Variants in RTN4RL2 observed in about 807,000 individuals in gnomAD.
RTN4RL2 encodes the protein reticulon 4 receptor like 2.
A neutral mutation model predicts 27.8 loss-of-function variants in RTN4RL2; 9 were observed. The observed-to-expected ratio is 0.32, with a 90% CI of 0.20 to 0.57. The LOEUF (loss-of-function observed/expected upper bound fraction) is 0.57. Ranked by LOEUF, RTN4RL2 falls within the 20% of genes least tolerant of loss-of-function variation. The pLI is 0.90. For missense variants in RTN4RL2, 436 were observed against 596.8 expected (o/e 0.73, Z 2.81); for synonymous variants, 285 against 297.9 (o/e 0.96, Z 0.45).
chr11:57,461,807 C>T (rs368681769), intron 1 of RTN4RL2, among the ~76,000 whole-genome samples: 43 of 151,616 alleles, frequency 2.8e-4, no homozygotes, highest in South Asian at 1.0e-3. Context: ...TATCAGGAAC[C>T]GGCGAAGAGG....
chr11:57,461,788 G>A lies in RTN4RL2; in HGVS notation c.31+892G>A, dbSNP rs191155855. 1.4e-4 allele frequency among the ~76,000 whole-genome samples: 22 copies of A among 152,106 alleles called. 1 individual carries two copies. Among genetic ancestry groups the A allele is most frequent in the Admixed American group, 1.4e-3 (21 of 15,268 alleles). ...CAGAGAAGGATGGGGATGGTGACTA[G>A]AGAAGGGGTATCAGGAACCGGCGAA... On this transcript the variant is annotated intron_variant, in intron 1 of 2. Coordinates refer to ENST00000335099, the MANE Select transcript of RTN4RL2 (RefSeq NM_178570.3).
At chr11:57,474,339 C>T (rs1394561689) in intron 2 of RTN4RL2, among the ~76,000 whole-genome samples, 2 of 152,078 alleles carry the variant, frequency 1.3e-5, no homozygotes, top group Admixed American at 6.5e-5. Flanking sequence ...TGGGAGGGGG[C>T]GAGAACAGGC....
At chr11:57,472,360 G>A (rs1195374072) in intron 2 of RTN4RL2, among the ~76,000 whole-genome samples, 1 of 151,796 alleles carries the variant, frequency 6.6e-6, no homozygotes. Flanking sequence ...CTACAGACAT[G>A]TGCCACCATG....
chr11:57,477,215 C>G lies in RTN4RL2; in HGVS notation c.*304C>G. ...CCCAGGCAGCCGCTGACCCGCACTCCTAAGGGCCCACAGCGGACACCAGAG... is the reference window on the plus strand; with the variant it reads ...CCCAGGCAGCCGCTGACCCGCACTCGTAAGGGCCCACAGCGGACACCAGAG... On this transcript the variant is annotated 3_prime_UTR_variant, in exon 3 of 3. Coordinates refer to ENST00000335099, the MANE Select transcript of RTN4RL2 (RefSeq NM_178570.3). 2.9e-6 allele frequency: 1 copy of G among 347,062 alleles called. No individual in the cohort carries two copies. The highest frequency in any genetic ancestry group is 5.2e-6 in the Non-Finnish European group (1 of 192,498). 21.5% of individuals were successfully genotyped at this position (347,062 alleles called of 1,614,324 possible).
At chr11:57,466,727 T>C (rs1397015251) in intron 1 of RTN4RL2, among the ~76,000 whole-genome samples, 2 of 152,162 alleles carry the variant, frequency 1.3e-5, no homozygotes, top group Non-Finnish European at 2.9e-5. Context: ...TGAGTCCATT[T>C]CACACGGGCC....
chr11:57,465,990 ATTTTTTTT>A (rs35174184), intron 1 of RTN4RL2, among the ~76,000 whole-genome samples: 8 of 77,900 alleles, frequency 1.0e-4, no homozygotes, highest in African/African-American at 3.9e-4. Context: ...CATGCCTACA[ATTTTTTTT>A]TTTTTTTTTT....
In RTN4RL2 at chr11:57,467,377, A is replaced by AT. The variant is rs11370612; in HGVS notation, c.32-219dup. 0.021 allele frequency among the ~76,000 whole-genome samples: 3,066 copies of AT among 145,554 alleles called. 100 individuals carry two copies. Among genetic ancestry groups the AT allele is most frequent in the African/African-American group, 0.07 (2,802 of 39,796 alleles). On this transcript the variant is annotated intron_variant, in intron 1 of 2. Coordinates refer to ENST00000335099, the MANE Select transcript of RTN4RL2 (RefSeq NM_178570.3). The surrounding 1 kb of genome is among the most constrained non-coding windows in gnomAD (Gnocchi z 5.5). ...AGGCACATGCCACCATGCCTGGCTA[A>AT]TTTTTTTTTTTTTCTTGTAAAGACA... is the stretch of plus-strand genomic sequence containing the variant.
chr11:57,461,827 A>G (rs1245943495), intron 1 of RTN4RL2, among the ~76,000 whole-genome samples: 1 of 151,968 alleles, frequency 6.6e-6, no homozygotes, highest in Non-Finnish European at 1.5e-5. Context: ...GGTTGGAGAC[A>G]GGGAACCATG....
chr11:57,468,517 T>C (rs1308410324), intron 2 of RTN4RL2: 2 of 1,504,524 alleles, frequency 1.3e-6, no homozygotes, highest in Admixed American at 2.0e-5. Flanking sequence ...TGTCTCTTTC[T>C]GTGATCTCAC....
chr11:57,469,598 A>C (rs1010119477), intron 2 of RTN4RL2, among the ~76,000 whole-genome samples: 1 of 152,222 alleles, frequency 6.6e-6, no homozygotes, highest in Admixed American at 6.5e-5. Context: ...GGTAAGTGCT[A>C]TATAAATGCT....
intron 2 of RTN4RL2, among the ~76,000 whole-genome samples, chr11:57,471,274 T>C (rs1943561448): frequency 6.7e-6 from 1 of 149,420 alleles, no homozygotes; most frequent in Admixed American, 6.7e-5. Flanking sequence ...AGTTCAGTGC[T>C]GAAGAAATCA....
At chr11:57,475,664 G>A (rs1281878127) in intron 2 of RTN4RL2, among the ~76,000 whole-genome samples, 2 of 152,196 alleles carry the variant, frequency 1.3e-5, no homozygotes, top group African/African-American at 4.8e-5. Context: ...TACAGATGAG[G>A]AAACTGAGTC....
Position 57,460,575 on chromosome 11 carries a change from G to A in RTN4RL2, c.-291G>A, listed in dbSNP as rs370145012. On this transcript the variant is annotated 5_prime_UTR_variant, in exon 1 of 3. Coordinates refer to ENST00000335099, the MANE Select transcript of RTN4RL2 (RefSeq NM_178570.3). ...GGGCACACGGACAGACGGACTGACG[G>A]ACTCTCGAGCGGACAGCGCAGCTAG... 30 of 170,328 alleles carry A rather than the reference G, an allele frequency of 1.8e-4. No homozygotes were observed. In the East Asian group the frequency reaches 4.2e-3, roughly 24 times the overall value. 10.6% of individuals were successfully genotyped at this position (170,328 alleles called of 1,614,324 possible). A position where few individuals can be genotyped will look rare whatever the true frequency, so the allele number is the denominator to read the frequency against.
In RTN4RL2 at chr11:57,467,766, G is replaced by A. The variant is rs370019040; in HGVS notation, c.189G>A (p.Gln63=). 54 of 1,613,764 alleles carry A rather than the reference G, an allele frequency of 3.3e-5. No homozygotes were observed. The highest frequency in any genetic ancestry group is 4.2e-5 in the Non-Finnish European group (50 of 1,180,006). Residue 63 remains glutamine (Q), a synonymous_variant, in exon 2 of 3, where the codon CAG becomes CAA. Coordinates refer to ENST00000335099, the MANE Select transcript of RTN4RL2 (RefSeq NM_178570.3). This position sits in a 1 kb window ranked among gnomAD's most constrained non-coding sequence, Gnocchi z 5.5. ...SVPLSLPPST[Q]RLFLQNNLIR... is the part of the protein sequence containing the mutation. ...CGCTGTCCCTGCCACCCAGCACTCA[G>A]CGACTCTTCCTGCAGAACAACCTCA...
chr11:57,467,532 A>G lies in RTN4RL2; in HGVS notation c.32-77A>G. On this transcript the variant is annotated intron_variant, in intron 1 of 2. Transcript: ENST00000335099. This position sits in a 1 kb window ranked among gnomAD's most constrained non-coding sequence, Gnocchi z 5.5. Reference sequence around the variant, plus strand: ...TTCAGCCGGGTCTAGGCCTTTTACCAAGTTGGGGGGCTGGCCCCCAGCTGG... The same window carrying G: ...TTCAGCCGGGTCTAGGCCTTTTACCGAGTTGGGGGGCTGGCCCCCAGCTGG... 6.5e-7 allele frequency: 1 copy of G among 1,531,760 alleles called. No individual in the cohort carries two copies. Among genetic ancestry groups the G allele is most frequent in the East Asian group, 2.3e-5 (1 of 44,286 alleles). 94.9% of individuals were successfully genotyped at this position (1,531,760 alleles called of 1,614,324 possible). A position where few individuals can be genotyped will look rare whatever the true frequency, so the allele number is the denominator to read the frequency against.
intron 1 of RTN4RL2, among the ~76,000 whole-genome samples, chr11:57,463,932 T>G (rs1490869413): frequency 6.7e-6 from 1 of 150,204 alleles, no homozygotes; most frequent in African/African-American, 2.5e-5. Context: ...CAGAGCCCCC[T>G]CCCCTCCCCT....
intron 2 of RTN4RL2, among the ~76,000 whole-genome samples, chr11:57,470,839 C>A (rs1943558861): frequency 6.6e-6 from 1 of 152,110 alleles, no homozygotes; most frequent in Non-Finnish European, 1.5e-5. Context: ...AGGTTGCTAA[C>A]CCTCTCTGAA....
intron 2 of RTN4RL2, among the ~76,000 whole-genome samples, chr11:57,471,959 A>G (rs1943564628): frequency 6.6e-6 from 1 of 152,050 alleles, no homozygotes; most frequent in Non-Finnish European, 1.5e-5. Context: ...CCCAGGTTCA[A>G]GCGATTCTCC....
In RTN4RL2 at chr11:57,476,035, C is replaced by A; in HGVS notation, c.514-127C>A. The A allele has an allele frequency of 1.1e-6, 1 of 917,750 alleles. No homozygotes were observed. Among genetic ancestry groups the A allele is most frequent in the South Asian group, 1.7e-5 (1 of 60,362 alleles). The allele number at this position is 917,750 out of a possible 1,614,324, so 56.9% of individuals were successfully genotyped here. A position where few individuals can be genotyped will look rare whatever the true frequency, so the allele number is the denominator to read the frequency against. On this transcript the variant is annotated intron_variant, in intron 2 of 2. Coordinates refer to ENST00000335099, the MANE Select transcript of RTN4RL2 (RefSeq NM_178570.3). The surrounding 1 kb of genome is among the most constrained non-coding windows in gnomAD (Gnocchi z 8.2). Reference sequence around the variant, plus strand: ...AATCCAAATCCAGGATGCTATGAATCAAAAGGTCAACCCTTTCTCTTCTGC... The same window carrying A: ...AATCCAAATCCAGGATGCTATGAATAAAAAGGTCAACCCTTTCTCTTCTGC...
Sources: allele counts gnomAD v4.1 joint callset (sites outside exome capture counted in the v4.1 genomes callset), GRCh38; gene constraint gnomAD v4.1.1; non-coding constraint Gnocchi (gnomAD v3.1); transcripts MANE v1.5; gene names NCBI Gene and HGNC (gene_info 2026-07-23, HGNC 2026-07-21).